Variants in CADM2 observed in about 807,000 individuals in gnomAD.
The protein encoded by CADM2 is immunoglobulin superfamily member 4D.
In CADM2, 12 loss-of-function variants were observed where a neutral mutation model predicts 49.8. That is an observed-to-expected ratio of 0.24 (90% CI 0.15 to 0.39). The LOEUF (loss-of-function observed/expected upper bound fraction) is 0.39, where lower values mean the gene tolerates loss of function less well. CADM2 is among the 10% of genes least tolerant of loss of function. The probability of loss-of-function intolerance (pLI) is 1.00; values close to 1 mark genes in which losing one functional copy is unlikely to be tolerated. For missense variants in CADM2, 378 were observed against 492.3 expected, an observed-to-expected ratio of 0.77 and a Z score of 2.20; for synonymous variants, 214 against 175.4, an observed-to-expected ratio of 1.22 and a Z score of -1.74.
At chr3:85,157,358 C>A (rs1223973803) in intron 1 of CADM2, among the ~76,000 whole-genome samples, 1 of 151,186 alleles carries the variant, frequency 6.6e-6, no homozygotes, top group Non-Finnish European at 1.5e-5. Context: ...TCATATGGAA[C>A]CAAAAAAGAG....
At chr3:85,476,657 T>C (rs1241457065) in intron 1 of CADM2, among the ~76,000 whole-genome samples, 1 of 151,898 alleles carries the variant, frequency 6.6e-6, no homozygotes, top group Non-Finnish European at 1.5e-5. Flanking sequence ...GTTAAAAGTC[T>C]ATCCCTTCAT....
chr3:85,536,087 T>A (rs559744308), intron 1 of CADM2, among the ~76,000 whole-genome samples: 3 of 152,106 alleles, frequency 2.0e-5, no homozygotes, highest in Non-Finnish European at 2.9e-5. Context: ...AGTCTAGGGG[T>A]ATTTAGAAAG....
intron 1 of CADM2, among the ~76,000 whole-genome samples, chr3:85,125,460 G>A (rs2039002063): frequency 6.6e-6 from 1 of 152,074 alleles, no homozygotes; most frequent in Non-Finnish European, 1.5e-5. Flanking sequence ...CTGGGCTCAG[G>A]TGTTCCTTCC....
At chr3:85,483,768 T>G (rs2039308246) in intron 1 of CADM2, among the ~76,000 whole-genome samples, 1 of 151,306 alleles carries the variant, frequency 6.6e-6, no homozygotes, top group African/African-American at 2.4e-5. Flanking sequence ...AGTAATATAT[T>G]ATTTTTGAAA....
chr3:85,362,972 C>T (rs1404655182), intron 1 of CADM2, among the ~76,000 whole-genome samples: 1 of 152,146 alleles, frequency 6.6e-6, no homozygotes, highest in Non-Finnish European at 1.5e-5. Flanking sequence ...TGCATACTTT[C>T]TGCAAATCAC....
chr3:84,987,136 G>A (rs1334415175), intron 1 of CADM2, among the ~76,000 whole-genome samples: 1 of 152,092 alleles, frequency 6.6e-6, no homozygotes, highest in Non-Finnish European at 1.5e-5. Flanking sequence ...TTAGGGAGCA[G>A]AGAAATCCTC....
At chr3:85,597,315 C>G (rs1191345225) in intron 1 of CADM2, among the ~76,000 whole-genome samples, 2 of 152,094 alleles carry the variant, frequency 1.3e-5, no homozygotes, top group Non-Finnish European at 2.9e-5. Context: ...CTTCTTAGCA[C>G]TACAGTCATG....
chr3:85,772,034 G>A (rs184330949), intron 2 of CADM2, among the ~76,000 whole-genome samples: 50 of 126,990 alleles, frequency 3.9e-4, no homozygotes, highest in African/African-American at 1.4e-3. Context: ...TTTTTGGTAC[G>A]TGTATAAAAT....
At chr3:85,101,523 C>G (rs1251716412) in intron 1 of CADM2, among the ~76,000 whole-genome samples, 3 of 152,124 alleles carry the variant, frequency 2.0e-5, no homozygotes, top group African/African-American at 7.2e-5. Flanking sequence ...ATTTTAATAT[C>G]ATGCATGAAC....
At chr3:85,673,796 A>G (rs1660785104) in intron 1 of CADM2, among the ~76,000 whole-genome samples, 1 of 152,170 alleles carries the variant, frequency 6.6e-6, no homozygotes, top group Admixed American at 6.5e-5. Context: ...TGGCATGTGT[A>G]GGATATGTTT....
intron 1 of CADM2, among the ~76,000 whole-genome samples, chr3:85,372,491 A>G (rs994944390): frequency 1.3e-5 from 2 of 151,358 alleles, no homozygotes; most frequent in Non-Finnish European, 2.9e-5. Context: ...TTTTATTTAT[A>G]TATTCTTTAT....
chr3:85,995,658 C>T (rs577563785), intron 8 of CADM2, among the ~76,000 whole-genome samples: 259 of 152,202 alleles, frequency 1.7e-3, no homozygotes, highest in Admixed American at 3.3e-3. Flanking sequence ...ATATTATTCT[C>T]CTGGATCATC....
At chr3:85,482,914 T>G (rs1037894527) in intron 1 of CADM2, among the ~76,000 whole-genome samples, 1 of 151,630 alleles carries the variant, frequency 6.6e-6, no homozygotes, top group African/African-American at 2.4e-5. Context: ...TAGCAAGCTT[T>G]TAAAAGCATT....
chr3:86,049,590 T>A (rs1419084548), intron 8 of CADM2, among the ~76,000 whole-genome samples: 4 of 151,702 alleles, frequency 2.6e-5, no homozygotes, highest in African/African-American at 9.7e-5. Context: ...CGAAAAGAGG[T>A]TTAGTTGGCT....
At chr3:85,974,381 G>A (rs952555805) in intron 8 of CADM2, among the ~76,000 whole-genome samples, 1 of 151,616 alleles carries the variant, frequency 6.6e-6, no homozygotes, top group African/African-American at 2.4e-5. Context: ...TGTATGCTAG[G>A]CTTAAGCTTC....
intron 1 of CADM2, among the ~76,000 whole-genome samples, chr3:85,102,869 G>T (rs1270368957): frequency 1.3e-5 from 2 of 152,146 alleles, no homozygotes; most frequent in African/African-American, 4.8e-5. Context: ...AGGAAGGAAA[G>T]GGCACTCATA....
At chr3:85,503,089 ACTCC>A (rs775856991) in intron 1 of CADM2, among the ~76,000 whole-genome samples, 78,199 of 151,936 alleles carry the variant, frequency 0.51, 23,114 homozygotes, top group East Asian at 0.85. Flanking sequence ...ACTTACATAT[ACTCC>A]TAACATAAAG....
intron 1 of CADM2, among the ~76,000 whole-genome samples, chr3:85,538,493 G>C (rs2061471883): frequency 6.6e-6 from 1 of 152,082 alleles, no homozygotes; most frequent in Non-Finnish European, 1.5e-5. Context: ...TTTCATGAAT[G>C]AAAGAGGAAA....
chr3:86,038,338 G>T (rs1349245197), intron 8 of CADM2, among the ~76,000 whole-genome samples: 1 of 152,106 alleles, frequency 6.6e-6, no homozygotes, highest in Non-Finnish European at 1.5e-5. Context: ...GAAGTTATTG[G>T]AGAGAATCCA....
Sources: gnomAD v4.1 joint callset for allele counts (sites outside exome capture counted in the v4.1 genomes callset) on GRCh38, gnomAD v4.1.1 for gene constraint, MANE v1.5 for transcripts, NCBI Gene and HGNC (gene_info 2026-07-23, HGNC 2026-07-21) for gene names.